The following PI4K2A variants were observed in gnomAD, a reference collection of about 807,000 sequenced individuals.
PI4K2A encodes the protein phosphatidylinositol 4-kinase type 2 alpha.
Under a neutral mutation model 55.0 loss-of-function variants are expected in PI4K2A, and 20 were observed. The observed-to-expected ratio is 0.36, with a 90% CI of 0.26 to 0.53. The LOEUF (loss-of-function observed/expected upper bound fraction) is 0.53. PI4K2A is among the 20% of genes least tolerant of loss of function. The pLI, the probability that PI4K2A is intolerant of heterozygous loss-of-function variation, is 0.91. For missense variants in PI4K2A, 463 were observed against 637.1 expected, an observed-to-expected ratio of 0.73 and a Z score of 2.94; for synonymous variants, 235 against 258.5, an observed-to-expected ratio of 0.91 and a Z score of 0.87.
chr10:97,666,506 C>T (rs1217180501), exon 7 of PI4K2A: 1 of 1,612,780 alleles, frequency 6.2e-7, no homozygotes, highest in Non-Finnish European at 8.5e-7. Context: ...AGATCTGATC[C>T]TTCCAAAGAT....
chr10:97,660,644 GT>G (rs2041577820), intron 4 of PI4K2A, among the ~76,000 whole-genome samples: 1 of 151,134 alleles, frequency 6.6e-6, no homozygotes, highest in Admixed American at 6.6e-5. Flanking sequence ...CTTAAGCATA[GT>G]TTAGTTGTAT....
intron 8 of PI4K2A, among the ~76,000 whole-genome samples, chr10:97,668,683 A>G (rs1349665914): frequency 6.6e-6 from 1 of 152,216 alleles, no homozygotes; most frequent in Non-Finnish European, 1.5e-5. Context: ...TGTAGTATTA[A>G]TAGCTGTTAG....
intron 1 of PI4K2A, among the ~76,000 whole-genome samples, chr10:97,643,093 G>GTCCT (rs977678006): frequency 2.0e-5 from 3 of 151,006 alleles, no homozygotes; most frequent in Non-Finnish European, 4.4e-5. Context: ...AGGGCTCAAG[G>GTCCT]TCCTCCCACT....
Position 97,656,307 on chromosome 10 carries a change from C to A in PI4K2A, c.659C>A (p.Thr220Asn), listed in dbSNP as rs1378895966. The A allele has an allele frequency of 1.9e-6, 3 of 1,613,760 alleles. No homozygotes were observed. Among genetic ancestry groups the A allele is most frequent in the Non-Finnish European group, 1.7e-6 (2 of 1,179,652 alleles). ...TAGGTAGTATACCTGGCCAGTGAGACCTTCAACTATAGTGCCATTGACCGA... is the reference window on the plus strand; with the variant it reads ...TAGGTAGTATACCTGGCCAGTGAGAACTTCAACTATAGTGCCATTGACCGA... The change falls in exon 3 of 9, where the codon ACC becomes AAC. Residue 220 changes from threonine to asparagine, a missense_variant. Physicochemically the swap from Thr to Asn is moderately conservative, Grantham distance 65. Coordinates refer to ENST00000370631, the Ensembl canonical transcript of PI4K2A. The surrounding 1 kb of genome is among the most constrained non-coding windows in gnomAD (Gnocchi z 4.5).
chr10:97,656,519 A>C lies in PI4K2A; in HGVS notation c.768+103A>C. 1.8e-6 allele frequency: 2 copies of C among 1,096,364 alleles called. No individual in the cohort carries two copies. Among genetic ancestry groups the C allele is most frequent in the Non-Finnish European group, 2.7e-6 (2 of 741,560 alleles). 67.9% of individuals were successfully genotyped at this position (1,096,364 alleles called of 1,614,324 possible). A position where few individuals can be genotyped will look rare whatever the true frequency, so the allele number is the denominator to read the frequency against. On this transcript the variant is annotated intron_variant, in intron 3 of 8. Transcript: ENST00000370631. This position sits in a 1 kb window ranked among gnomAD's most constrained non-coding sequence, Gnocchi z 4.5. ...ACAACTCAAATATGGGCACGTGAATAACCTGCCCTGAGGATCCTGTCTTCC... is the reference window on the plus strand; with the variant it reads ...ACAACTCAAATATGGGCACGTGAATCACCTGCCCTGAGGATCCTGTCTTCC...
intron 1 of PI4K2A, among the ~76,000 whole-genome samples, chr10:97,642,850 C>CT (rs1491531542): frequency 0.029 from 2,306 of 80,356 alleles, 390 homozygotes; most frequent in Admixed American, 0.036. Context: ...TTCCTTCCTT[C>CT]CTTTCTTTCT....
intron 1 of PI4K2A, among the ~76,000 whole-genome samples, chr10:97,642,891 T>TTCTTTCTTTCTTTCTTTCTTTCTG (rs1423273274): frequency 7.9e-6 from 1 of 127,314 alleles, no homozygotes. Flanking sequence ...CTTTCTTCCT[T>TTCTTTCTTTCTTTCTTTCTTTCTG]CCTTCCTTCC....
At chr10:97,659,106 C>A (rs934628384) in intron 4 of PI4K2A, among the ~76,000 whole-genome samples, 1 of 152,212 alleles carries the variant, frequency 6.6e-6, no homozygotes, top group Non-Finnish European at 1.5e-5. Context: ...ACAATCATAG[C>A]TCACTACAGC....
rs1564774881 is a variant in PI4K2A, at chr10:97,656,838, C to T, written c.786C>T (p.Leu262=). 1 of 1,614,146 alleles carries T rather than the reference C, an allele frequency of 6.2e-7. No individual in the cohort carries two copies. The change falls in exon 4 of 9, where the codon CTC becomes CTT. Residue 262 remains leucine, a synonymous_variant. Transcript: ENST00000370631. This position sits in a 1 kb window ranked among gnomAD's most constrained non-coding sequence, Gnocchi z 4.5. ...GGTTCCAGGTTGGTTCATTCCAGCT[C>T]TTTGTTGAAGGCTACAAAGATGCAG...
In PI4K2A at chr10:97,672,684, G is replaced by A. The variant is rs369530103; in HGVS notation, c.1279-897G>A. Among the ~76,000 whole-genome samples the A allele has an allele frequency of 5.7e-5, 8 of 139,402 alleles. No individual in the cohort carries two copies. In the South Asian group the frequency reaches 7.0e-4, roughly 12 times the overall value. 91.5% of individuals were successfully genotyped at this position (139,402 alleles called of 152,430 possible). A position where few individuals can be genotyped will look rare whatever the true frequency, so the allele number is the denominator to read the frequency against. On this transcript the variant is annotated intron_variant, in intron 8 of 8. Transcript: ENST00000370631. Reference sequence around the variant, plus strand: ...CTAAATGTTTTATGCATATCCATTAGTGTTTCTTAAAAATGGAATTGCCGA... The same window carrying A: ...CTAAATGTTTTATGCATATCCATTAATGTTTCTTAAAAATGGAATTGCCGA...
chr10:97,665,188 C>A (rs1260576634), intron 6 of PI4K2A, among the ~76,000 whole-genome samples: 1 of 152,112 alleles, frequency 6.6e-6, no homozygotes, highest in Non-Finnish European at 1.5e-5. Context: ...TTCTATGATT[C>A]CCATTACAAG....
chr10:97,658,105 T>A (rs2041563877), intron 4 of PI4K2A, among the ~76,000 whole-genome samples: 1 of 152,206 alleles, frequency 6.6e-6, no homozygotes, highest in South Asian at 2.1e-4. Flanking sequence ...GTGCTGGGAT[T>A]ACAGGTGTGA....
intron 1 of PI4K2A, among the ~76,000 whole-genome samples, chr10:97,645,685 C>A (rs2041501788): frequency 6.7e-6 from 1 of 150,030 alleles, no homozygotes; most frequent in Non-Finnish European, 1.5e-5. Context: ...TTGACTGCCT[C>A]TTAACGTTTT....
chr10:97,665,303 T>A (rs1438837667), intron 6 of PI4K2A, among the ~76,000 whole-genome samples: 1 of 152,178 alleles, frequency 6.6e-6, no homozygotes, highest in Non-Finnish European at 1.5e-5. Context: ...AAATGGAGTT[T>A]CGCTCTTGTT....
At chr10:97,655,631 G>A (rs1216351386) in intron 2 of PI4K2A, among the ~76,000 whole-genome samples, 1 of 152,010 alleles carries the variant, frequency 6.6e-6, no homozygotes, top group Non-Finnish European at 1.5e-5. Context: ...AGAATGTGCA[G>A]TGGTGCGATC....
chr10:97,664,166 T>G (rs1430988734), intron 5 of PI4K2A, among the ~76,000 whole-genome samples: 3 of 152,228 alleles, frequency 2.0e-5, no homozygotes, highest in Non-Finnish European at 4.4e-5. Flanking sequence ...TCATCAGGTC[T>G]GGAGTAAAAC....
intron 4 of PI4K2A, 67 bp downstream of exon 4, chr10:97,657,041 C>T (rs2041558451): frequency 6.5e-7 from 1 of 1,530,228 alleles, no homozygotes; most frequent in African/African-American, 1.4e-5. Flanking sequence ...GGCCTGGAGG[C>T]TTGCAGGGCT....
exon 7 of PI4K2A, chr10:97,666,449 T>G: frequency 6.2e-7 from 1 of 1,612,996 alleles, no homozygotes; most frequent in Non-Finnish European, 8.5e-7. Flanking sequence ...TCCTTTTTAC[T>G]GGGCCTGGTT....
At chr10:97,641,924 T>A (rs2041471982) in intron 1 of PI4K2A, among the ~76,000 whole-genome samples, 1 of 152,158 alleles carries the variant, frequency 6.6e-6, no homozygotes, top group African/African-American at 2.4e-5. Flanking sequence ...GTCCCCTGCC[T>A]GTATATAAAG....
Sources: allele counts gnomAD v4.1 joint callset (sites outside exome capture counted in the v4.1 genomes callset), GRCh38; gene constraint gnomAD v4.1.1; non-coding constraint Gnocchi (gnomAD v3.1); transcripts MANE v1.5; gene names NCBI Gene and HGNC (gene_info 2026-07-23, HGNC 2026-07-21).